Variants in TBC1D4 observed in about 807,000 individuals in gnomAD.
The protein encoded by TBC1D4 is TBC (Tre-2, BUB2, CDC16) domain-containing protein.
Under a neutral mutation model 142.5 loss-of-function variants are expected in TBC1D4, and 121 were observed. That is an observed-to-expected ratio of 0.85 (90% CI 0.73 to 0.99). The LOEUF (loss-of-function observed/expected upper bound fraction) is 0.99, where lower values mean the gene tolerates loss of function less well. TBC1D4 is among the 50% of genes least tolerant of loss of function. The pLI, the probability that TBC1D4 is intolerant of heterozygous loss-of-function variation, is 0.00. For missense variants in TBC1D4, 1,475 were observed against 1,606.6 expected (o/e 0.92, Z 1.40); for synonymous variants, 630 against 628.2 (o/e 1.00, Z -0.04).
chr13:75,397,158 T>C (rs554365468), intron 1 of TBC1D4, among the ~76,000 whole-genome samples: 1 of 151,274 alleles, frequency 6.6e-6, no homozygotes, highest in Non-Finnish European at 1.5e-5. Flanking sequence ...GAAAAAAAAA[T>C]GGTAAGCAGA....
rs142942518 is a variant in TBC1D4 at position 75,390,795 on chromosome 13, G to A, written c.499-28188C>T. Among the ~76,000 whole-genome samples the A allele has an allele frequency of 9.1e-3, 1,214 of 133,676 alleles. 12 individuals are homozygous for A. Among genetic ancestry groups the A allele is most frequent in the Middle Eastern group, 0.04 (9 of 224 alleles). 87.7% of individuals were successfully genotyped at this position (133,676 alleles called of 152,430 possible). A position where few individuals can be genotyped will look rare whatever the true frequency, so the allele number is the denominator to read the frequency against. On this transcript the variant is annotated intron_variant, in intron 1 of 20. Transcript: ENST00000377636. The stretch of plus-strand genomic sequence containing the variant: ...CTTCTATTTAGTGCGTGAAAATCAT[G>A]TTGTATGTATAGGTATTTGTGTGAG...
chr13:75,298,133 T>G (rs553046596), intron 17 of TBC1D4, among the ~76,000 whole-genome samples: 1 of 152,212 alleles, frequency 6.6e-6, no homozygotes, highest in African/African-American at 2.4e-5. Context: ...AAAGCATCTT[T>G]AAACTATTAC....
rs536844842 is a variant in TBC1D4, at chr13:75,429,599, G to C, written c.498+51671C>G. Among the ~76,000 whole-genome samples the C allele has an allele frequency of 5.9e-5, 9 of 152,002 alleles. No individual in the cohort carries two copies. In the East Asian group the frequency reaches 1.7e-3, roughly 29 times the overall value. On this transcript the variant is annotated intron_variant, in intron 1 of 20. Transcript: ENST00000377636. ...AAAATTTTTCTTCCAAATCAATTTGGCAAGATAAAATAAAAGGTTTTAATT... is the reference window on the plus strand; with the variant it reads ...AAAATTTTTCTTCCAAATCAATTTGCCAAGATAAAATAAAAGGTTTTAATT...
intron 1 of TBC1D4, among the ~76,000 whole-genome samples, chr13:75,443,059 G>A (rs993936456): frequency 7.2e-5 from 11 of 152,162 alleles, no homozygotes; most frequent in Non-Finnish European, 1.5e-4. Flanking sequence ...ATTTGATGAA[G>A]TTTATCGTAG....
chr13:75,430,935 C>A (rs943398049), intron 1 of TBC1D4, among the ~76,000 whole-genome samples: 1 of 152,128 alleles, frequency 6.6e-6, no homozygotes, highest in Non-Finnish European at 1.5e-5. Flanking sequence ...TGCTGATAAC[C>A]ATTCAGTGAA....
intron 17 of TBC1D4, among the ~76,000 whole-genome samples, chr13:75,297,204 G>A: frequency 6.6e-6 from 1 of 152,158 alleles, no homozygotes; most frequent in Non-Finnish European, 1.5e-5. Context: ...GGTACTTACA[G>A]TCCATATTAA....
chr13:75,372,728 ATAT>A (rs1482024351), intron 1 of TBC1D4, among the ~76,000 whole-genome samples: 1 of 152,226 alleles, frequency 6.6e-6, no homozygotes, highest in East Asian at 1.9e-4. Context: ...TGTTTATAAA[ATAT>A]TATTACTACT....
At chr13:75,382,661 G>A (rs569332805) in intron 1 of TBC1D4, among the ~76,000 whole-genome samples, 2 of 152,222 alleles carry the variant, frequency 1.3e-5, no homozygotes, top group South Asian at 2.1e-4. Flanking sequence ...TTTTTCAACT[G>A]TTAAATTTTA....
chr13:75,286,905 C>T lies in TBC1D4; in HGVS notation c.3784G>A (p.Val1262Met), dbSNP rs773254773. ...EQEKMAYQKT[V>M]EQLRKLLPAD... Reference sequence around the variant, plus strand: ...GGCAGCAGCTTCCGGAGTTGCTCCACTGTCTTTTGATAAGCCATTTTTTCT... The same window carrying T: ...GGCAGCAGCTTCCGGAGTTGCTCCATTGTCTTTTGATAAGCCATTTTTTCT... The change falls in exon 21 of 21, where the codon GTG (valine) becomes ATG (methionine). Residue 1262 changes from valine (V) to methionine (M), a missense_variant. Val to Met is a conservative substitution (Grantham distance 21). Around this residue, in one of 2 missense-constraint regions of TBC1D4, gnomAD observed 248 missense variants for 338.9 expected, o/e 0.73. Transcript: ENST00000377636. The T allele has an allele frequency of 1.7e-5, 27 of 1,613,902 alleles. No individual in the cohort carries two copies. Among genetic ancestry groups the T allele is most frequent in the East Asian group, 8.9e-5 (4 of 44,888 alleles).
At chr13:75,305,833 A>G (rs1877126783) in intron 15 of TBC1D4, among the ~76,000 whole-genome samples, 2 of 152,240 alleles carry the variant, frequency 1.3e-5, no homozygotes, top group Admixed American at 1.3e-4. Context: ...TAAATGCGAT[A>G]TAATGGCTAA....
chr13:75,481,431 T>G lies in TBC1D4; in HGVS notation c.337A>C (p.Asn113His). The G allele has an allele frequency of 6.2e-7, 1 of 1,613,804 alleles. No homozygotes were observed. The highest frequency in any genetic ancestry group is 2.2e-5 in the East Asian group (1 of 44,840). Residue 113 changes from asparagine (N) to histidine (H), a missense_variant, in exon 1 of 21, where the codon AAC becomes CAC. Transcript: ENST00000377636. ...TGCTCGAAGATGAATACCGCCGGGT[T>G]GGGCTGCGTGGCCGACGGACTAGTG... ...GGTSPSATQP[N>H]PAVFIFEHKA...
At chr13:75,374,256 C>T (rs1209592884) in intron 1 of TBC1D4, among the ~76,000 whole-genome samples, 1 of 152,176 alleles carries the variant, frequency 6.6e-6, no homozygotes, top group Admixed American at 6.6e-5. Context: ...TCCGATGACA[C>T]CATGACCTTT....
chr13:75,341,751 T>C (rs1880724456), intron 5 of TBC1D4, among the ~76,000 whole-genome samples, 164 bp from the exon 6 acceptor site: 1 of 152,162 alleles, frequency 6.6e-6, no homozygotes, highest in Non-Finnish European at 1.5e-5. Context: ...TACATTGAAA[T>C]GATTAAAACT....
intron 5 of TBC1D4, among the ~76,000 whole-genome samples, chr13:75,341,793 C>T (rs1880727530): frequency 6.6e-6 from 1 of 152,322 alleles, no homozygotes. Flanking sequence ...AAATCAACAG[C>T]CCCCAGTAGT....
chr13:75,319,982 T>C, intron 12 of TBC1D4, 32 bp downstream of exon 12: 1 of 1,609,140 alleles, frequency 6.2e-7, no homozygotes, highest in Non-Finnish European at 8.5e-7. Context: ...TGTGAATTTT[T>C]TTTAAATAAA....
At chr13:75,294,730 C>T (rs888096295) in intron 18 of TBC1D4, 124 bp downstream of exon 18, 1 of 991,104 alleles carries the variant, frequency 1.0e-6, no homozygotes, top group East Asian at 2.6e-5. Flanking sequence ...TTATTAAATT[C>T]CATTAGCAAT....
intron 1 of TBC1D4, among the ~76,000 whole-genome samples, chr13:75,440,876 C>T (rs927391228): frequency 4.0e-5 from 6 of 151,888 alleles, no homozygotes; most frequent in African/African-American, 1.5e-4. Flanking sequence ...CAGACCATCA[C>T]CATATTTTAA....
At chr13:75,344,283 A>G (rs1039556122) in intron 5 of TBC1D4, among the ~76,000 whole-genome samples, 1 of 152,270 alleles carries the variant, frequency 6.6e-6, no homozygotes, top group Non-Finnish European at 1.5e-5. Context: ...GGAAGATAAA[A>G]GATTGAAAAG....
At chr13:75,293,643 G>A (rs756734278) in intron 18 of TBC1D4, among the ~76,000 whole-genome samples, 1 of 152,166 alleles carries the variant, frequency 6.6e-6, no homozygotes, top group Non-Finnish European at 1.5e-5. Flanking sequence ...CAATAAACAA[G>A]AGAAATCTGG....
Sources: allele counts gnomAD v4.1 joint callset (sites outside exome capture counted in the v4.1 genomes callset), GRCh38; gene constraint gnomAD v4.1.1; regional missense constraint gnomAD v4.1.1; transcripts MANE v1.5; gene names NCBI Gene and HGNC (gene_info 2026-07-23, HGNC 2026-07-21).